SLC35F4: variants seen among roughly 807,000 people sequenced by gnomAD.
The protein encoded by SLC35F4 is solute carrier family 35 member F4.
SLC35F4 carries 24 observed loss-of-function variants against 44.2 expected under a neutral mutation model. The ratio of observed to expected loss-of-function variants is 0.54; its 90% CI spans 0.39 to 0.76. The LOEUF is 0.76. Among genes scored for constraint, SLC35F4 ranks in the 30% least tolerant of loss-of-function variants. SLC35F4 has a pLI of 0.00. For synonymous variants in SLC35F4, 238 were observed against 223.6 expected (o/e 1.06, Z -0.57); for missense variants, 562 against 586.1 (o/e 0.96, Z 0.42).
At chr14:57,830,101 T>C (rs1257681110) in intron 1 of SLC35F4, among the ~76,000 whole-genome samples, 2 of 152,210 alleles carry the variant, frequency 1.3e-5, no homozygotes, top group African/African-American at 4.8e-5. Context: ...TCCAATACAT[T>C]GTCTGCTACC....
At chr14:57,596,972 G>A (rs945535261) in intron 1 of SLC35F4, 50 of 1,020,472 alleles carry the variant, frequency 4.9e-5, no homozygotes, top group Non-Finnish European at 6.4e-5. Context: ...CGTATTCAGG[G>A]GTTGGGCCAT....
chr14:57,620,563 C>T (rs1249878672), intron 1 of SLC35F4, among the ~76,000 whole-genome samples: 1 of 152,162 alleles, frequency 6.6e-6, no homozygotes, highest in East Asian at 1.9e-4. Context: ...AAAGGAACAA[C>T]CGGTACCAGC....
At chr14:57,633,415 T>C (rs532807060) in intron 1 of SLC35F4, among the ~76,000 whole-genome samples, 42 of 152,294 alleles carry the variant, frequency 2.8e-4, no homozygotes, top group Middle Eastern at 3.4e-3. Context: ...TGTTCTGATT[T>C]TGGCCATTCT....
chr14:57,893,299 A>T (rs1566923271), intron 1 of SLC35F4, among the ~76,000 whole-genome samples: 2 of 152,190 alleles, frequency 1.3e-5, no homozygotes, highest in Non-Finnish European at 2.9e-5. Context: ...AAATAACAAT[A>T]GCTATCATAC....
chr14:57,641,190 A>G (rs146290578), intron 1 of SLC35F4, among the ~76,000 whole-genome samples: 187 of 150,654 alleles, frequency 1.2e-3, no homozygotes, highest in African/African-American at 4.4e-3. Flanking sequence ...CACCTATTGC[A>G]TCCTAATTAT....
chr14:57,935,133 G>A (rs1416937658), intron 1 of SLC35F4, among the ~76,000 whole-genome samples: 2 of 152,200 alleles, frequency 1.3e-5, no homozygotes, highest in African/African-American at 2.4e-5. Context: ...AGGAGTGAGT[G>A]AGGGTGGTAG....
intron 1 of SLC35F4, among the ~76,000 whole-genome samples, chr14:57,594,572 T>A (rs1027479126): frequency 6.6e-6 from 1 of 152,180 alleles, no homozygotes; most frequent in Non-Finnish European, 1.5e-5. Context: ...TCACTAGAAA[T>A]GAACACTAGA....
rs113033298 is a variant in SLC35F4 at position 57,711,086 on chromosome 14, C to T, written c.104-116962G>A. ...ATCTTGAATTTTAGTTCCCATAATC[C>T]GCACATATCATGGGAGGTACCCAGT... On this transcript the variant is annotated intron_variant, in intron 1 of 7. Transcript: ENST00000556826. 6.6e-3 allele frequency among the ~76,000 whole-genome samples: 999 copies of T among 152,094 alleles called. 7 individuals carry two copies. The highest frequency in any genetic ancestry group is 0.022 in the African/African-American group (925 of 41,456).
At chr14:57,776,665 C>CAAAAAAAAAAAAAAAAAAA (rs57272978) in intron 1 of SLC35F4, among the ~76,000 whole-genome samples, 3 of 72,068 alleles carry the variant, frequency 4.2e-5, no homozygotes, top group African/African-American at 1.4e-4. Context: ...GACTCCATCT[C>CAAAAAAAAAAAAAAAAAAA]AAAAAAAAAA....
Position 57,581,194 on chromosome 14 carries a change from T to C in SLC35F4, c.807+20A>G. 6.7e-7 allele frequency: 1 copy of C among 1,496,114 alleles called. No homozygotes were observed. Among genetic ancestry groups the C allele is most frequent in the South Asian group, 1.4e-5 (1 of 69,278 alleles). The allele number at this position is 1,496,114 out of a possible 1,614,324, so 92.7% of individuals were successfully genotyped here. A position where few individuals can be genotyped will look rare whatever the true frequency, so the allele number is the denominator to read the frequency against. On this transcript the variant is annotated intron_variant, in intron 4 of 7. Coordinates refer to ENST00000556826, the MANE Select transcript of SLC35F4 (RefSeq NM_001306087.2). ...TATGAAAAAGGCAGGCATCGCGCAT[T>C]GAATCAAGTATGCCATTACCCTCAC...
chr14:57,839,213 T>C (rs1008133671), intron 1 of SLC35F4, among the ~76,000 whole-genome samples: 4 of 152,174 alleles, frequency 2.6e-5, no homozygotes, highest in African/African-American at 9.7e-5. Flanking sequence ...CCAATATTTC[T>C]CTGTTCCTGT....
intron 1 of SLC35F4, among the ~76,000 whole-genome samples, chr14:57,817,795 G>A (rs1026207834): frequency 2.0e-5 from 3 of 152,110 alleles, no homozygotes; most frequent in African/African-American, 7.2e-5. Context: ...TACAGTGAAC[G>A]AGGCAGAGAT....
At chr14:57,629,889 C>T in intron 1 of SLC35F4, 1 of 415,140 alleles carries the variant, frequency 2.4e-6, no homozygotes, top group South Asian at 1.9e-5. Context: ...TAGGCTGAGA[C>T]TCACACCACC....
rs1434977522 is a variant in SLC35F4, at chr14:57,763,859, AG to A, written c.103+101863del. On this transcript the variant is annotated intron_variant, in intron 1 of 7. Transcript: ENST00000556826. ...CCCTTGCCAAGAAGTGTTACCAAGA[AG>A]TGTTATCTAATTAACCTACCCATTA... Among the ~76,000 whole-genome samples the A allele has an allele frequency of 2.0e-5, 3 of 152,140 alleles. 1 individual carries two copies. Among genetic ancestry groups the A allele is most frequent in the East Asian group, 3.8e-4 (2 of 5,198 alleles).
intron 4 of SLC35F4, among the ~76,000 whole-genome samples, chr14:57,578,102 A>AACTT (rs10622423): frequency 0.27 from 40,458 of 151,630 alleles, 5,597 homozygotes; most frequent in Admixed American, 0.36. Context: ...ATGATGTTGT[A>AACTT]ACTTAAAGTG....
At chr14:57,683,271 CT>C (rs1409080969) in intron 1 of SLC35F4, among the ~76,000 whole-genome samples, 1 of 152,092 alleles carries the variant, frequency 6.6e-6, no homozygotes, top group Non-Finnish European at 1.5e-5. Flanking sequence ...TTTTTATTTA[CT>C]TTTTTCCTTT....
intron 1 of SLC35F4, among the ~76,000 whole-genome samples, chr14:57,712,861 G>A (rs1449123930): frequency 1.3e-5 from 2 of 152,182 alleles, no homozygotes; most frequent in African/African-American, 4.8e-5. Flanking sequence ...AGATGTATCT[G>A]AGACTAGTTG....
At chr14:57,683,140 C>G (rs551645896) in intron 1 of SLC35F4, among the ~76,000 whole-genome samples, 2 of 152,202 alleles carry the variant, frequency 1.3e-5, no homozygotes, top group African/African-American at 2.4e-5. Flanking sequence ...ATAGCTAATT[C>G]ATTTTCTGAG....
At chr14:57,587,437 G>A (rs528988841) in intron 3 of SLC35F4, among the ~76,000 whole-genome samples, 1 of 152,306 alleles carries the variant, frequency 6.6e-6, no homozygotes, top group East Asian at 1.9e-4. Flanking sequence ...GGAATACTAT[G>A]CAGCCATAAA....
Sources: allele counts gnomAD v4.1 joint callset (sites outside exome capture counted in the v4.1 genomes callset), GRCh38; gene constraint gnomAD v4.1.1; transcripts MANE v1.5; gene names NCBI Gene and HGNC (gene_info 2026-07-23, HGNC 2026-07-21).